Variants in MANBA observed in about 807,000 individuals in gnomAD.
MANBA encodes mannosidase beta, also known as beta-mannosidase.
A neutral mutation model predicts 111.1 loss-of-function variants in MANBA; 83 were observed. The observed-to-expected ratio is 0.75, with a 90% CI of 0.63 to 0.90. The LOEUF (loss-of-function observed/expected upper bound fraction) is 0.90, where lower values mean the gene tolerates loss of function less well. MANBA is among the 40% of genes least tolerant of loss of function. MANBA has a pLI of 0.00. For synonymous variants in MANBA, 370 were observed against 378.7 expected, an observed-to-expected ratio of 0.98 and a Z score of 0.27; for missense variants, 1,036 against 1,069.0, an observed-to-expected ratio of 0.97 and a Z score of 0.43.
intron 1 of MANBA, among the ~76,000 whole-genome samples, chr4:102,738,610 G>A (rs1723299641): frequency 6.6e-6 from 1 of 152,202 alleles, no homozygotes; most frequent in Non-Finnish European, 1.5e-5. Flanking sequence ...AGTAACCCTT[G>A]AGTTCCAAAT....
Position 102,722,962 on chromosome 4 carries a change from T to C in MANBA, c.458A>G (p.Gln153Arg). Residue 153 changes from glutamine to arginine, a missense_variant, in exon 4 of 17, where the codon CAG (glutamine) becomes CGG (arginine). Physicochemically the swap from Gln to Arg is conservative, Grantham distance 43. Transcript: ENST00000647097. ...GTAGCGAGTGTGAGCTTTGCTCTGCTGTGCTGCATACAACACCGCTGACTG... is the reference window on the plus strand; with the variant it reads ...GTAGCGAGTGTGAGCTTTGCTCTGCCGTGCTGCATACAACACCGCTGACTG... The part of the protein sequence containing the change: ...RFQSAVLYAA[Q>R]QSKAHTRYQV... 4 of 1,614,098 alleles carry C rather than the reference T, an allele frequency of 2.5e-6. No individual in the cohort carries two copies. Among genetic ancestry groups the C allele is most frequent in the Non-Finnish European group, 3.4e-6 (4 of 1,179,886 alleles).
At chr4:102,696,528 C>G (rs1427977204) in intron 5 of MANBA, among the ~76,000 whole-genome samples, 3 of 152,042 alleles carry the variant, frequency 2.0e-5, no homozygotes, top group Non-Finnish European at 2.9e-5. Context: ...ATAAAATATA[C>G]CCAAGTGTCG....
chr4:102,751,655 T>C, intron 1 of MANBA: 1 of 542,288 alleles, frequency 1.8e-6, no homozygotes, highest in South Asian at 1.4e-5. Context: ...AAATAGAATA[T>C]GTGAAGTACA....
chr4:102,723,006 G>A lies in MANBA; in HGVS notation c.414C>T (p.Asn138=), dbSNP rs769586874. 4.3e-6 allele frequency: 7 copies of A among 1,614,014 alleles called. No homozygotes were observed. Among genetic ancestry groups the A allele is most frequent in the Non-Finnish European group, 5.1e-6 (6 of 1,180,000 alleles). Residue 138 remains asparagine (N), a synonymous_variant, in exon 4 of 17, where the codon AAC becomes AAT. Coordinates refer to ENST00000647097, the MANE Select transcript of MANBA (RefSeq NM_005908.4). The part of the protein sequence containing the change: ...FDITNVVRDV[N]SIELRFQSAV... ...CTGACTGGAAACGCAGCTCAATGGA[G>A]TTCACGTCCCTGACCACGTTGGTAA...
At chr4:102,749,923 C>T (rs1005870199) in intron 1 of MANBA, among the ~76,000 whole-genome samples, 1 of 152,180 alleles carries the variant, frequency 6.6e-6, no homozygotes, top group Non-Finnish European at 1.5e-5. Context: ...CCACGCAAAG[C>T]AAATCCTCCC....
chr4:102,690,756 TC>T lies in MANBA; in HGVS notation c.688del (p.Glu230SerfsTer6), dbSNP rs1560776099. ...TGTAGACTCTATTTCCAGATTCCACTCCTGGGCACTCTTATCTAAAATATAA... is the reference window on the plus strand; with the variant it reads ...TGTAGACTCTATTTCCAGATTCCACTCTGGGCACTCTTATCTAAAATATAA... ...FSPIYDKSAQ[E>X]WNLEIESTFD... On this transcript the variant is annotated frameshift_variant, in exon 6 of 17. Transcript: ENST00000647097. LOFTEE classifies it high-confidence loss of function. 1 of 1,532,288 alleles carries T rather than the reference TC, an allele frequency of 6.5e-7. No homozygotes were observed. The highest frequency in any genetic ancestry group is 8.9e-7 in the Non-Finnish European group (1 of 1,128,698). The allele number at this position is 1,532,288 out of a possible 1,614,324, so 94.9% of individuals were successfully genotyped here. A position where few individuals can be genotyped will look rare whatever the true frequency, so the allele number is the denominator to read the frequency against.
At chr4:102,639,597 C>T in intron 14 of MANBA, 116 bp downstream of exon 14, 1 of 1,390,862 alleles carries the variant, frequency 7.2e-7, no homozygotes, top group Admixed American at 1.8e-5. Flanking sequence ...AAGAATGACT[C>T]TTTTGGTCAT....
chr4:102,740,564 A>G (rs576803937), intron 1 of MANBA, among the ~76,000 whole-genome samples: 6 of 152,248 alleles, frequency 3.9e-5, no homozygotes, highest in Admixed American at 2.0e-4. Context: ...GGATATAGTC[A>G]CAAAAACAGC....
chr4:102,759,162 A>T, intron 1 of MANBA, among the ~76,000 whole-genome samples: 1 of 147,014 alleles, frequency 6.8e-6, no homozygotes. Flanking sequence ...TAGAGATAGA[A>T]TCTCTCTATG....
chr4:102,654,830 C>A (rs2110207242), intron 12 of MANBA, among the ~76,000 whole-genome samples: 1 of 152,148 alleles, frequency 6.6e-6, no homozygotes, highest in South Asian at 2.1e-4. Flanking sequence ...ATGAAAAGTT[C>A]TAGCCAGGGA....
At chr4:102,699,392 A>G (rs1461234659) in intron 5 of MANBA, among the ~76,000 whole-genome samples, 2 of 151,926 alleles carry the variant, frequency 1.3e-5, no homozygotes, top group Admixed American at 1.3e-4. Flanking sequence ...TTCCAACACT[A>G]TGTTGAATAG....
chr4:102,702,999 T>G (rs866541003), intron 5 of MANBA, among the ~76,000 whole-genome samples: 2 of 152,344 alleles, frequency 1.3e-5, no homozygotes, highest in Admixed American at 1.3e-4. Context: ...ATCCACTTAC[T>G]GCATATACAT....
intron 1 of MANBA, among the ~76,000 whole-genome samples, chr4:102,734,122 G>A (rs1394928256): frequency 1.3e-5 from 2 of 152,228 alleles, no homozygotes; most frequent in Non-Finnish European, 2.9e-5. Flanking sequence ...ATAAAGATGT[G>A]TCAATGTCTG....
chr4:102,697,985 G>C lies in MANBA; in HGVS notation c.674-7214C>G, dbSNP rs1441279623. Among the ~76,000 whole-genome samples, 7 of 151,814 alleles carry C rather than the reference G, an allele frequency of 4.6e-5. No homozygotes were observed. In the South Asian group the frequency reaches 8.3e-4, roughly 18 times the overall value. Reference sequence around the variant, plus strand: ...TTACAGTCCCACCAACAGTGTAAAAGTGTTCCTATTTCTCCACAACCTCTC... The same window carrying C: ...TTACAGTCCCACCAACAGTGTAAAACTGTTCCTATTTCTCCACAACCTCTC... On this transcript the variant is annotated intron_variant, in intron 5 of 16. Coordinates refer to ENST00000647097, the MANE Select transcript of MANBA (RefSeq NM_005908.4).
At chr4:102,685,013 A>C (rs932667335) in intron 7 of MANBA, among the ~76,000 whole-genome samples, 18 of 152,198 alleles carry the variant, frequency 1.2e-4, no homozygotes, top group African/African-American at 4.3e-4. Flanking sequence ...TGCTGAGCCA[A>C]ATTAGCCACA....
intron 1 of MANBA, among the ~76,000 whole-genome samples, chr4:102,755,340 T>C (rs879388844): frequency 7.9e-5 from 12 of 152,176 alleles, no homozygotes; most frequent in Non-Finnish European, 1.6e-4. Context: ...ATCTGATCTT[T>C]GACAAAGCTG....
intron 7 of MANBA, among the ~76,000 whole-genome samples, chr4:102,677,325 T>A (rs541335410): frequency 1.3e-5 from 2 of 152,326 alleles, no homozygotes; most frequent in South Asian, 2.1e-4. Flanking sequence ...AAAACTTGTA[T>A]CTACTACCTC....
intron 1 of MANBA, among the ~76,000 whole-genome samples, chr4:102,759,614 A>G (rs1724158611): frequency 6.6e-6 from 1 of 151,844 alleles, no homozygotes. Flanking sequence ...ATTTGGCACA[A>G]CCCTAGATGA....
intron 8 of MANBA, chr4:102,672,013 T>C (rs1021608353): frequency 6.0e-5 from 24 of 398,890 alleles, no homozygotes; most frequent in African/African-American, 4.5e-4. Flanking sequence ...GCTTACCAAT[T>C]GGCCCAGTTG....
Sources: gnomAD v4.1 joint callset for allele counts (sites outside exome capture counted in the v4.1 genomes callset) on GRCh38, gnomAD v4.1.1 for gene constraint, MANE v1.5 for transcripts, NCBI Gene and HGNC (gene_info 2026-07-23, HGNC 2026-07-21) for gene names.